CENPU: variants seen among roughly 807,000 people sequenced by gnomAD.
The protein encoded by CENPU is centromere protein U.
In CENPU, 46 loss-of-function variants were observed where a neutral mutation model predicts 56.7. That is an observed-to-expected ratio of 0.81 (90% CI 0.64 to 1.04). CENPU has a LOEUF of 1.04. Ranked by LOEUF, CENPU falls within the 50% of genes least tolerant of loss-of-function variation. The pLI is 0.00. For missense variants in CENPU, 510 were observed against 490.1 expected (o/e 1.04, Z -0.38); for synonymous variants, 166 against 163.0 (o/e 1.02, Z -0.14).
At chr4:184,698,611 G>A (rs1454302842) in intron 11 of CENPU, among the ~76,000 whole-genome samples, 1 of 151,992 alleles carries the variant, frequency 6.6e-6, no homozygotes, top group Non-Finnish European at 1.5e-5. Context: ...CACCACGCCC[G>A]GCTAAGTTTT....
chr4:184,700,009 C>T (rs1760479493), intron 11 of CENPU, among the ~76,000 whole-genome samples: 1 of 152,196 alleles, frequency 6.6e-6, no homozygotes, highest in South Asian at 2.1e-4. Flanking sequence ...AAAGTTTCAA[C>T]TTTTCATTAT....
At chr4:184,719,694 C>T (rs1463820543) in intron 4 of CENPU, among the ~76,000 whole-genome samples, 2 of 152,190 alleles carry the variant, frequency 1.3e-5, no homozygotes, top group East Asian at 3.9e-4. Context: ...CACCCCTCCC[C>T]CAGGCCCAGG....
In CENPU at chr4:184,716,360, T is replaced by A. The variant is rs541998549; in HGVS notation, c.618+37A>T. On this transcript the variant is annotated intron_variant, in intron 6 of 12. Transcript: ENST00000281453. ...TCTTCCCCAAAATTTTTCAATAAAC[T>A]TTTTTTGCCCTCCTAGGGGATGGCA... is the stretch of plus-strand genomic sequence containing the variant. 8.4e-6 allele frequency: 12 copies of A among 1,435,400 alleles called. No individual in the cohort carries two copies. In the African/African-American group the frequency reaches 1.0e-4, roughly 12 times the overall value. The allele number at this position is 1,435,400 out of a possible 1,614,324, so 88.9% of individuals were successfully genotyped here.
chr4:184,706,966 C>G (rs1292163421), intron 8 of CENPU, among the ~76,000 whole-genome samples: 1 of 147,098 alleles, frequency 6.8e-6, no homozygotes, highest in African/African-American at 2.7e-5. Flanking sequence ...GCCATTTTCC[C>G]TAAAACATCA....
At chr4:184,721,162 G>A (rs1761261561) in intron 4 of CENPU, among the ~76,000 whole-genome samples, 1 of 152,138 alleles carries the variant, frequency 6.6e-6, no homozygotes, top group South Asian at 2.1e-4. Flanking sequence ...GCTTGTTTAT[G>A]CGAGCAGGGT....
At chr4:184,731,759 G>T (rs1449290776) in intron 1 of CENPU, among the ~76,000 whole-genome samples, 2 of 152,098 alleles carry the variant, frequency 1.3e-5, no homozygotes, top group African/African-American at 4.8e-5. Flanking sequence ...CTCATTTGTA[G>T]ACAGCAAAAT....
intron 8 of CENPU, among the ~76,000 whole-genome samples, chr4:184,702,965 A>G (rs1325046254): frequency 1.3e-5 from 2 of 152,074 alleles, no homozygotes; most frequent in Non-Finnish European, 2.9e-5. Context: ...TCTTTATCCA[A>G]CCCACAGTTG....
At position 184,694,312 on chromosome 4, in the gene CENPU, T is replaced by G; in HGVS notation, c.*976A>C. The G allele has an allele frequency of 7.6e-7, 1 of 1,322,782 alleles. No individual in the cohort carries two copies. Among genetic ancestry groups the G allele is most frequent in the South Asian group, 2.3e-5 (1 of 44,308 alleles). The allele number at this position is 1,322,782 out of a possible 1,614,324, so 81.9% of individuals were successfully genotyped here. A position where few individuals can be genotyped will look rare whatever the true frequency, so the allele number is the denominator to read the frequency against. On this transcript the variant is annotated 3_prime_UTR_variant, in exon 13 of 13. Coordinates refer to ENST00000281453, the MANE Select transcript of CENPU (RefSeq NM_024629.4). ...ACTGTAGGTAATTTCAAATTTGGAGTTTCAAGTGTGTCTGAGCTTCAGTGC... is the reference window on the plus strand; with the variant it reads ...ACTGTAGGTAATTTCAAATTTGGAGGTTCAAGTGTGTCTGAGCTTCAGTGC...
chr4:184,704,125 C>T (rs917245399), intron 8 of CENPU, among the ~76,000 whole-genome samples: 47 of 152,046 alleles, frequency 3.1e-4, no homozygotes, highest in African/African-American at 1.0e-3. Context: ...CTGTCACCCC[C>T]GCTGGACTGA....
chr4:184,726,753 TAA>T (rs59693972), intron 3 of CENPU, among the ~76,000 whole-genome samples: 27,034 of 151,664 alleles, frequency 0.18, 2,687 homozygotes, highest in African/African-American at 0.26. Flanking sequence ...GATGAGTAGA[TAA>T]AAATAAAATG....
rs1760141218 is a variant in CENPU, at chr4:184,694,735, G to A, written c.*553C>T. On this transcript the variant is annotated 3_prime_UTR_variant, in exon 13 of 13. Coordinates refer to ENST00000281453, the MANE Select transcript of CENPU (RefSeq NM_024629.4). ...TCTTCTCAGTTATAACAGTGAAGTG[G>A]ATGAAATTCCTGATGAACTAATTAT... 1.2e-6 allele frequency: 2 copies of A among 1,612,346 alleles called. No individual in the cohort carries two copies. The highest frequency in any genetic ancestry group is 1.1e-5 in the South Asian group (1 of 91,058).
In CENPU at chr4:184,702,371, T is replaced by G; in HGVS notation, c.868A>C (p.Ile290Leu). 1.2e-6 allele frequency: 2 copies of G among 1,611,768 alleles called. No homozygotes were observed. The highest frequency in any genetic ancestry group is 1.7e-6 in the Non-Finnish European group (2 of 1,179,266). Residue 290 changes from isoleucine to leucine, a missense_variant, in exon 9 of 13, where the codon ATC becomes CTC. Ile to Leu is a conservative substitution (Grantham distance 5). Transcript: ENST00000281453. Reference sequence around the variant, plus strand: ...CATGTCCGTGAGCTTACCATTTTGATGAATTGTTCTTTAACATTAACATAA... The same window carrying G: ...CATGTCCGTGAGCTTACCATTTTGAGGAATTGTTCTTTAACATTAACATAA... Reference protein sequence around the residue: ...TFYVNVKEQFIKMLKESQMLT... With the variant: ...TFYVNVKEQFLKMLKESQMLT...
chr4:184,729,590 C>T (rs543866847), intron 2 of CENPU, among the ~76,000 whole-genome samples: 1 of 152,322 alleles, frequency 6.6e-6, no homozygotes, highest in South Asian at 2.1e-4. Flanking sequence ...CCATTCTTAG[C>T]TTGCAGGGAT....
At chr4:184,712,187 T>C (rs1257571871) in intron 7 of CENPU, among the ~76,000 whole-genome samples, 1 of 151,094 alleles carries the variant, frequency 6.6e-6, no homozygotes, top group Non-Finnish European at 1.5e-5. Flanking sequence ...ACAACTCAGT[T>C]GTCCATCAAT....
rs564471651 is a variant in CENPU, at chr4:184,733,719, G to C, written c.47+297C>G. 2.0e-5 allele frequency among the ~76,000 whole-genome samples: 3 copies of C among 152,344 alleles called. No individual in the cohort carries two copies. In the South Asian group the frequency reaches 6.2e-4, roughly 32 times the overall value. Reference sequence around the variant, plus strand: ...TATTTGCTGAATATTTTGCTTTCAAGCTAGCACTTTGAGACTCACTACTTT... The same window carrying C: ...TATTTGCTGAATATTTTGCTTTCAACCTAGCACTTTGAGACTCACTACTTT... On this transcript the variant is annotated intron_variant, in intron 1 of 12. Transcript: ENST00000281453.
At chr4:184,707,690 C>T (rs1760774487) in intron 8 of CENPU, among the ~76,000 whole-genome samples, 1 of 152,162 alleles carries the variant, frequency 6.6e-6, no homozygotes, top group Non-Finnish European at 1.5e-5. Context: ...GGGGTTTGGC[C>T]TTCTTCTATA....
intron 4 of CENPU, among the ~76,000 whole-genome samples, chr4:184,724,158 C>A (rs943025726): frequency 6.6e-6 from 1 of 151,874 alleles, no homozygotes; most frequent in Admixed American, 6.6e-5. Context: ...CCCAGCCACT[C>A]GGGAGGCTGA....
chr4:184,707,634 C>T (rs1218665364), intron 8 of CENPU, among the ~76,000 whole-genome samples: 3 of 152,170 alleles, frequency 2.0e-5, no homozygotes, highest in Non-Finnish European at 4.4e-5. Context: ...GCTGCCCATC[C>T]TAGGGCTTAC....
At chr4:184,697,202 C>A (rs928830849) in intron 12 of CENPU, among the ~76,000 whole-genome samples, 1 of 152,074 alleles carries the variant, frequency 6.6e-6, no homozygotes, top group African/African-American at 2.4e-5. Context: ...CTTCTAAAAT[C>A]CTACCTACCA....
Sources: allele counts gnomAD v4.1 joint callset (sites outside exome capture counted in the v4.1 genomes callset), GRCh38; gene constraint gnomAD v4.1.1; transcripts MANE v1.5; gene names NCBI Gene and HGNC (gene_info 2026-07-23, HGNC 2026-07-21).